The following HDAC9 variants were observed in gnomAD, a reference collection of about 807,000 sequenced individuals.
The protein encoded by HDAC9 is histone deacetylase 9.
HDAC9 carries 41 observed loss-of-function variants against 139.4 expected under a neutral mutation model. The ratio of observed to expected loss-of-function variants is 0.29; its 90% confidence interval spans 0.23 to 0.38. The LOEUF is 0.38. Among genes scored for constraint, HDAC9 ranks in the 10% least tolerant of loss-of-function variants. The pLI, the probability that HDAC9 is intolerant of heterozygous loss-of-function variation, is 1.00. For missense variants in HDAC9, 1,147 were observed against 1,297.0 expected (o/e 0.88, Z 1.78); for synonymous variants, 517 against 476.2 (o/e 1.09, Z -1.12).
chr7:18,739,107 C>T (rs1315439383), intron 13 of HDAC9, among the ~76,000 whole-genome samples: 1 of 152,178 alleles, frequency 6.6e-6, no homozygotes, highest in Non-Finnish European at 1.5e-5. Flanking sequence ...GTTTTCAGCT[C>T]CATCAGGCCA....
At chr7:18,466,645 G>T (rs1389888423) in intron 1 of HDAC9, among the ~76,000 whole-genome samples, 4 of 152,126 alleles carry the variant, frequency 2.6e-5, no homozygotes, top group Non-Finnish European at 5.9e-5. Flanking sequence ...ATTACCTTGG[G>T]CTCACCCAAA....
Position 18,591,507 on chromosome 7 carries a change from G to GTA in HDAC9, c.416-7_416-6dup. On this transcript the variant is annotated splice_polypyrimidine_tract_variant and intron_variant, in intron 4 of 25. Coordinates refer to ENST00000686413, the MANE Select transcript of HDAC9 (RefSeq NM_178425.4). Reference sequence around the variant, plus strand: ...TGTGTGTGTGTGTGTGTGTGTGTGTGTATTTCAGGGGCAGTGGCAAGTACA... The same window carrying GTA: ...TGTGTGTGTGTGTGTGTGTGTGTGTGTATATTTCAGGGGCAGTGGCAAGTACA... The GTA allele has an allele frequency of 1.3e-6, 2 of 1,533,732 alleles. No homozygotes were observed. Among genetic ancestry groups the GTA allele is most frequent in the South Asian group, 2.4e-5 (2 of 82,616 alleles).
intron 2 of HDAC9, among the ~76,000 whole-genome samples, chr7:18,240,732 G>C (rs1794135995): frequency 1.3e-5 from 2 of 152,126 alleles, no homozygotes; most frequent in South Asian, 4.1e-4. Context: ...GGTTCTATAA[G>C]TGATATGCAC....
chr7:18,275,399 T>TC (rs1437857871), intron 2 of HDAC9, among the ~76,000 whole-genome samples: 1 of 152,184 alleles, frequency 6.6e-6, no homozygotes, highest in Non-Finnish European at 1.5e-5. Flanking sequence ...CACCGTTTAT[T>TC]CTTAACACAG....
intron 1 of HDAC9, among the ~76,000 whole-genome samples, chr7:18,293,025 G>T (rs1157088776): frequency 6.6e-6 from 1 of 151,868 alleles, no homozygotes; most frequent in Non-Finnish European, 1.5e-5. Context: ...AGGGGACATG[G>T]TCTAAAATTT....
chr7:18,270,194 C>G (rs750566366), intron 2 of HDAC9, among the ~76,000 whole-genome samples: 2 of 151,808 alleles, frequency 1.3e-5, no homozygotes, highest in African/African-American at 2.4e-5. Context: ...CAGTGAACTC[C>G]TAGCAAGTGG....
At chr7:18,977,651 T>C (rs567066675) in intron 25 of HDAC9, among the ~76,000 whole-genome samples, 55 of 152,250 alleles carry the variant, frequency 3.6e-4, no homozygotes, top group Middle Eastern at 6.8e-3. Context: ...CTTCATCTGA[T>C]GGCAGAGAGA....
chr7:18,746,681 T>A (rs1472201845), intron 13 of HDAC9, among the ~76,000 whole-genome samples: 1 of 152,168 alleles, frequency 6.6e-6, no homozygotes. Context: ...TGGGATACAT[T>A]CATTCATTTA....
At chr7:18,293,053 C>T (rs936423362) in intron 1 of HDAC9, among the ~76,000 whole-genome samples, 3 of 151,880 alleles carry the variant, frequency 2.0e-5, no homozygotes, top group African/African-American at 7.2e-5. Flanking sequence ...AAAATGCAAA[C>T]ATCAGACATA....
At chr7:18,592,844 A>G (rs1416265682) in intron 5 of HDAC9, among the ~76,000 whole-genome samples, 1 of 152,168 alleles carries the variant, frequency 6.6e-6, no homozygotes, top group Admixed American at 6.5e-5. Context: ...CTAAAACTAC[A>G]CACATAATTT....
At chr7:18,829,686 C>A in intron 19 of HDAC9, 138 bp downstream of exon 19, 1 of 601,676 alleles carries the variant, frequency 1.7e-6, no homozygotes, top group East Asian at 2.8e-5. Flanking sequence ...TGTGGAAACT[C>A]ATTAAACTCA....
chr7:18,240,343 C>G (rs1794110269), intron 2 of HDAC9, among the ~76,000 whole-genome samples: 1 of 152,084 alleles, frequency 6.6e-6, no homozygotes, highest in South Asian at 2.1e-4. Context: ...GTTCTGATTT[C>G]TTACCCTATA....
In HDAC9 at chr7:18,384,797, C is replaced by T. The variant is rs539902771; in HGVS notation, c.-42+94282C>T. ...AAAAAAAAAAAGGTTAAGTTCAAGT[C>T]CAGGCCTGATCTTTCATCAGCAGAA... is the stretch of plus-strand genomic sequence containing the variant. On this transcript the variant is annotated intron_variant, in intron 1 of 3. Coordinates refer to the HDAC9 transcript ENST00000413509. Among the ~76,000 whole-genome samples the T allele has an allele frequency of 6.6e-5, 10 of 152,136 alleles. No homozygotes were observed. In the East Asian group the frequency reaches 1.7e-3, roughly 26 times the overall value.
intron 1 of HDAC9, among the ~76,000 whole-genome samples, chr7:18,433,822 T>C (rs1790911120): frequency 6.6e-6 from 1 of 152,156 alleles, no homozygotes; most frequent in Non-Finnish European, 1.5e-5. Flanking sequence ...GAAAAATCAG[T>C]ATTGTTAAAA....
chr7:18,998,952 A>C lies in HDAC9; in HGVS notation c.*2890A>C, dbSNP rs371620307. 1 of 152,348 alleles carries C rather than the reference A, an allele frequency of 6.6e-6. No individual in the cohort carries two copies. Among genetic ancestry groups the C allele is most frequent in the African/African-American group, 2.4e-5 (1 of 41,572 alleles). 9.4% of individuals were successfully genotyped at this position (152,348 alleles called of 1,614,324 possible). A position where few individuals can be genotyped will look rare whatever the true frequency, so the allele number is the denominator to read the frequency against. The stretch of plus-strand genomic sequence containing the variant: ...TTTGGGGCTGTATATTAAACTAAAA[A>C]ACACAGACAGTTTTATTAAATAGTA... On this transcript the variant is annotated 3_prime_UTR_variant, in exon 26 of 26. Transcript: ENST00000686413.
intron 12 of HDAC9, among the ~76,000 whole-genome samples, chr7:18,669,285 G>A (rs813902): frequency 0.022 from 3,407 of 151,840 alleles, 153 homozygotes; most frequent in African/African-American, 0.078. Context: ...AATATTCCAA[G>A]TGTCGTAATA....
chr7:18,733,030 T>C lies in HDAC9; in HGVS notation c.1909+5273T>C, dbSNP rs181740033. 1.6e-3 allele frequency among the ~76,000 whole-genome samples: 238 copies of C among 146,556 alleles called. 4 individuals carry two copies. Among genetic ancestry groups the C allele is most frequent in the African/African-American group, 5.7e-3 (229 of 40,072 alleles). On this transcript the variant is annotated intron_variant, in intron 13 of 25. Transcript: ENST00000686413. ...ACATGTGTATGTGTGTATATATGTA[T>C]ATATACAGATATACATATATACATG...
chr7:18,906,143 T>C (rs1441906388), intron 22 of HDAC9, among the ~76,000 whole-genome samples: 2 of 151,646 alleles, frequency 1.3e-5, no homozygotes, highest in Non-Finnish European at 2.9e-5. Context: ...TTTTTTAACG[T>C]TATTTTTTTT....
At chr7:18,844,271 G>A (rs1199459407) in intron 21 of HDAC9, among the ~76,000 whole-genome samples, 1 of 152,144 alleles carries the variant, frequency 6.6e-6, no homozygotes, top group African/African-American at 2.4e-5. Context: ...TAAAGCCATA[G>A]GGAGGGTGGT....
Sources: gnomAD v4.1 joint callset for allele counts (sites outside exome capture counted in the v4.1 genomes callset) on GRCh38, gnomAD v4.1.1 for gene constraint, MANE v1.5 for transcripts, NCBI Gene and HGNC (gene_info 2026-07-23, HGNC 2026-07-21) for gene names.